The following RAPGEF5 variants were observed in gnomAD, a reference collection of about 807,000 sequenced individuals.
RAPGEF5 encodes Rap guanine nucleotide exchange factor 5, also known as M-Ras-regulated GEF.
RAPGEF5 carries 65 observed loss-of-function variants against 125.2 expected under a neutral mutation model. The ratio of observed to expected loss-of-function variants is 0.52; its 90% confidence interval spans 0.43 to 0.64. The LOEUF is 0.64. Among genes scored for constraint, RAPGEF5 ranks in the 30% least tolerant of loss-of-function variants. The pLI, the probability that RAPGEF5 is intolerant of heterozygous loss-of-function variation, is 0.00. For missense variants in RAPGEF5, 958 were observed against 1,048.1 expected, an observed-to-expected ratio of 0.91 and a Z score of 1.19; for synonymous variants, 391 against 385.9, an observed-to-expected ratio of 1.01 and a Z score of -0.16.
At chr7:22,247,377 T>C (rs1786504967) in intron 7 of RAPGEF5, among the ~76,000 whole-genome samples, 1 of 152,102 alleles carries the variant, frequency 6.6e-6, no homozygotes, top group Non-Finnish European at 1.5e-5. Context: ...GCTCCCATAA[T>C]CCCCTCGTGT....
intron 24 of RAPGEF5, among the ~76,000 whole-genome samples, chr7:22,128,508 G>A (rs1266230702): frequency 1.3e-5 from 2 of 152,180 alleles, no homozygotes; most frequent in Non-Finnish European, 2.9e-5. Flanking sequence ...GTTCATTATC[G>A]TGAAAGATGA....
chr7:22,300,156 T>C (rs1783163619), intron 5 of RAPGEF5, among the ~76,000 whole-genome samples: 2 of 152,242 alleles, frequency 1.3e-5, no homozygotes, highest in Non-Finnish European at 2.9e-5. Flanking sequence ...ATTCATCTTC[T>C]TCAATGTTTT....
intron 9 of RAPGEF5, among the ~76,000 whole-genome samples, chr7:22,216,042 C>A (rs1785629981): frequency 6.6e-6 from 1 of 152,148 alleles, no homozygotes; most frequent in Non-Finnish European, 1.5e-5. Context: ...GCATGCACAT[C>A]CCCCATTGCT....
intron 1 of RAPGEF5, among the ~76,000 whole-genome samples, chr7:22,352,228 T>C (rs1476806370): frequency 1.3e-5 from 2 of 151,974 alleles, no homozygotes; most frequent in Non-Finnish European, 2.9e-5. Flanking sequence ...TGACAGTATA[T>C]ACAGAAAAAG....
intron 7 of RAPGEF5, among the ~76,000 whole-genome samples, chr7:22,244,261 TC>T (rs1204020654): frequency 6.6e-6 from 1 of 152,046 alleles, no homozygotes; most frequent in East Asian, 1.9e-4. Context: ...GATGGACACT[TC>T]CGTTGATTCC....
intron 7 of RAPGEF5, among the ~76,000 whole-genome samples, chr7:22,264,439 C>T (rs562799737): frequency 6.6e-6 from 1 of 152,320 alleles, no homozygotes; most frequent in African/African-American, 2.4e-5. Context: ...GACATCACAA[C>T]ATAATAAAAT....
chr7:22,312,324 T>A (rs62447069), intron 3 of RAPGEF5, among the ~76,000 whole-genome samples: 29,204 of 152,004 alleles, frequency 0.19, 3,103 homozygotes, highest in Non-Finnish European at 0.23. Flanking sequence ...TTCTCCTGCC[T>A]CAGCCCCCCA....
At position 22,193,383 on chromosome 7, in the gene RAPGEF5, G is replaced by A. The variant is rs758613294; in HGVS notation, c.1188C>T (p.Val396=). Residue 396 remains valine, a synonymous_variant, in exon 11 of 26, where the codon GTC becomes GTT. Coordinates refer to ENST00000665637, the MANE Select transcript of RAPGEF5 (RefSeq NM_012294.5). ...HLLNDLHLEE[V]QDKETETLLD... Reference sequence around the variant, plus strand: ...GAGCCTTACCTGTTTCTTTGTCCTGGACTTCTTCCAGGTGCAAGTCATTCA... The same window carrying A: ...GAGCCTTACCTGTTTCTTTGTCCTGAACTTCTTCCAGGTGCAAGTCATTCA... 6.3e-7 allele frequency: 1 copy of A among 1,590,522 alleles called. No homozygotes were observed. The highest frequency in any genetic ancestry group is 1.2e-5 in the South Asian group (1 of 86,862).
chr7:22,306,805 G>C (rs945769428), intron 5 of RAPGEF5, among the ~76,000 whole-genome samples: 1 of 152,148 alleles, frequency 6.6e-6, no homozygotes, highest in African/African-American at 2.4e-5. Context: ...ATTTATTAAA[G>C]AGACTGTGTC....
At chr7:22,139,109 T>C (rs914277210) in intron 21 of RAPGEF5, among the ~76,000 whole-genome samples, 2 of 152,152 alleles carry the variant, frequency 1.3e-5, no homozygotes, top group Non-Finnish European at 2.9e-5. Flanking sequence ...CCCAGAGACC[T>C]ATTCCGAGAA....
At position 22,305,453 on chromosome 7, in the gene RAPGEF5, C is replaced by T. The variant is rs530179427; in HGVS notation, c.680+2886G>A. On this transcript the variant is annotated intron_variant, in intron 5 of 25. Coordinates refer to ENST00000665637, the MANE Select transcript of RAPGEF5 (RefSeq NM_012294.5). ...GGTACAGAGTAGGTATATATATTTACGGGGTACATGAGATGTTTCGATACA... is the reference window on the plus strand; with the variant it reads ...GGTACAGAGTAGGTATATATATTTATGGGGTACATGAGATGTTTCGATACA... 4.4e-4 allele frequency among the ~76,000 whole-genome samples: 67 copies of T among 152,058 alleles called. 1 individual carries two copies. Among genetic ancestry groups the T allele is most frequent in the African/African-American group, 1.4e-3 (59 of 41,472 alleles).
At chr7:22,218,202 C>G (rs963899565) in intron 9 of RAPGEF5, among the ~76,000 whole-genome samples, 1 of 151,988 alleles carries the variant, frequency 6.6e-6, no homozygotes, top group East Asian at 1.9e-4. Context: ...TCTCATTGGC[C>G]GTGACTACTT....
chr7:22,341,687 C>T (rs1190993052), intron 1 of RAPGEF5, among the ~76,000 whole-genome samples: 1 of 152,218 alleles, frequency 6.6e-6, no homozygotes, highest in African/African-American at 2.4e-5. Context: ...CTGTATCAGT[C>T]CAAAATCCAG....
intron 6 of RAPGEF5, among the ~76,000 whole-genome samples, chr7:22,270,177 T>G (rs972671875): frequency 6.6e-6 from 1 of 152,194 alleles, no homozygotes; most frequent in African/African-American, 2.4e-5. Flanking sequence ...TAGTGTTGGC[T>G]CCAGGTTTTT....
intron 9 of RAPGEF5, among the ~76,000 whole-genome samples, chr7:22,207,304 C>T (rs1320874560): frequency 6.6e-6 from 1 of 152,198 alleles, no homozygotes; most frequent in African/African-American, 2.4e-5. Context: ...AATTCTGCTA[C>T]TAGGAATTTA....
At chr7:22,233,512 A>G (rs1303007684) in intron 7 of RAPGEF5, among the ~76,000 whole-genome samples, 1 of 152,210 alleles carries the variant, frequency 6.6e-6, no homozygotes, top group Non-Finnish European at 1.5e-5. Flanking sequence ...GCAGGACACT[A>G]AATAATAATT....
intron 8 of RAPGEF5, among the ~76,000 whole-genome samples, chr7:22,224,146 C>T (rs926975836): frequency 6.6e-6 from 1 of 152,126 alleles, no homozygotes; most frequent in South Asian, 2.1e-4. Flanking sequence ...TAAAGGCCCA[C>T]TTGATTTTTA....
intron 20 of RAPGEF5, among the ~76,000 whole-genome samples, chr7:22,143,584 C>A (rs1783333377): frequency 1.3e-5 from 2 of 152,228 alleles, no homozygotes; most frequent in African/African-American, 2.4e-5. Flanking sequence ...TACTGTCTAA[C>A]CACAGGCTCT....
chr7:22,195,621 GT>G (rs1583472205), intron 9 of RAPGEF5, among the ~76,000 whole-genome samples: 1 of 152,102 alleles, frequency 6.6e-6, no homozygotes, highest in Non-Finnish European at 1.5e-5. Context: ...GAATACCAAT[GT>G]GTAATTGCTA....
Sources: allele counts gnomAD v4.1 joint callset (sites outside exome capture counted in the v4.1 genomes callset), GRCh38; gene constraint gnomAD v4.1.1; transcripts MANE v1.5; gene names NCBI Gene and HGNC (gene_info 2026-07-23, HGNC 2026-07-21).